SORBS2: variants seen among roughly 807,000 people sequenced by gnomAD.
The protein encoded by SORBS2 is sorbin and SH3 domain-containing protein 2.
Under a neutral mutation model 97.7 loss-of-function variants are expected in SORBS2, and 46 were observed. The observed-to-expected ratio is 0.47, with a 90% CI of 0.37 to 0.60. SORBS2 has a LOEUF of 0.60. Ranked by LOEUF, SORBS2 falls within the 20% of genes least tolerant of loss-of-function variation. The pLI is 0.00. For synonymous variants in SORBS2, 476 were observed against 473.4 expected, an observed-to-expected ratio of 1.01 and a Z score of -0.07; for missense variants, 1,316 against 1,282.3, an observed-to-expected ratio of 1.03 and a Z score of -0.40.
chr4:185,757,660 T>TC (rs397800295), intron 2 of SORBS2, among the ~76,000 whole-genome samples: 5 of 46,626 alleles, frequency 1.1e-4, no homozygotes, highest in African/African-American at 3.1e-4. Flanking sequence ...CCAGGTGACA[T>TC]AAGAAGACAT....
At chr4:185,680,011 T>C (rs1225290860) in intron 2 of SORBS2, among the ~76,000 whole-genome samples, 1 of 152,202 alleles carries the variant, frequency 6.6e-6, no homozygotes, top group African/African-American at 2.4e-5. Flanking sequence ...AGAAGACTAA[T>C]GAATTCCCAT....
chr4:185,778,247 G>A (rs1443668036), intron 1 of SORBS2, among the ~76,000 whole-genome samples: 1 of 152,202 alleles, frequency 6.6e-6, no homozygotes, highest in Non-Finnish European at 1.5e-5. Flanking sequence ...CAATGACCCA[G>A]AAGCTTCGTA....
chr4:185,799,212 A>C (rs1460455788), intron 1 of SORBS2, among the ~76,000 whole-genome samples: 1 of 152,170 alleles, frequency 6.6e-6, no homozygotes, highest in African/African-American at 2.4e-5. Flanking sequence ...ACAGGTTGTG[A>C]GCCTTCCACC....
intron 2 of SORBS2, among the ~76,000 whole-genome samples, chr4:185,693,083 G>A (rs563239724): frequency 2.2e-4 from 34 of 152,130 alleles, no homozygotes; most frequent in African/African-American, 8.2e-4. Flanking sequence ...TGCTTAGCGT[G>A]GCCAGGCTAG....
intron 1 of SORBS2, among the ~76,000 whole-genome samples, chr4:185,860,158 G>A (rs1246608836): frequency 1.3e-5 from 2 of 152,154 alleles, no homozygotes; most frequent in Non-Finnish European, 2.9e-5. Context: ...AGATGGAGAA[G>A]AGCAAGAGAA....
chr4:185,889,589 C>T (rs1161831385), intron 1 of SORBS2, among the ~76,000 whole-genome samples: 1 of 152,070 alleles, frequency 6.6e-6, no homozygotes, highest in Non-Finnish European at 1.5e-5. Flanking sequence ...CGGTATCATT[C>T]CCCGATCTCC....
At chr4:185,704,780 C>T (rs1466852580) in intron 2 of SORBS2, among the ~76,000 whole-genome samples, 1 of 152,178 alleles carries the variant, frequency 6.6e-6, no homozygotes, top group African/African-American at 2.4e-5. Flanking sequence ...CTCAGTCCCA[C>T]AGTTCATTTG....
upstream of SORBS2, among the ~76,000 whole-genome samples, chr4:185,657,974 A>G (rs975146803): frequency 6.6e-6 from 1 of 152,202 alleles, no homozygotes; most frequent in African/African-American, 2.4e-5. Context: ...AGGAGCTGAG[A>G]CAAGTTCAGT....
Position 185,892,863 on chromosome 4 carries a change from T to C in SORBS2, c.-338+63333A>G, listed in dbSNP as rs141640011. On this transcript the variant is annotated intron_variant, in intron 1 of 20. Coordinates refer to the SORBS2 transcript ENST00000284776. ...GATGGCAGAGACGGTAGCCCAAGAATGTGAATACACTTAAGGCCTTATGGC... is the reference window on the plus strand; with the variant it reads ...GATGGCAGAGACGGTAGCCCAAGAACGTGAATACACTTAAGGCCTTATGGC... Among the ~76,000 whole-genome samples the C allele has an allele frequency of 3.4e-3, 522 of 152,300 alleles. 2 individuals are homozygous for C. The highest frequency in any genetic ancestry group is 6.0e-3 in the Non-Finnish European group (407 of 68,034).
intron 1 of SORBS2, among the ~76,000 whole-genome samples, chr4:185,823,233 A>T (rs1048220732): frequency 2.0e-5 from 3 of 152,192 alleles, no homozygotes; most frequent in Non-Finnish European, 4.4e-5. Context: ...GGAGAAAGGC[A>T]TGTCTCTCAG....
chr4:185,876,016 G>A (rs1278777570), intron 1 of SORBS2, among the ~76,000 whole-genome samples: 1 of 152,106 alleles, frequency 6.6e-6, no homozygotes, highest in Non-Finnish European at 1.5e-5. Flanking sequence ...ACTCTTCTCT[G>A]TGTTTTGTAC....
chr4:185,610,718 C>T (rs2096523768), intron 12 of SORBS2, among the ~76,000 whole-genome samples: 1 of 152,070 alleles, frequency 6.6e-6, no homozygotes, highest in South Asian at 2.1e-4. Flanking sequence ...GAAGTGACTT[C>T]ACACTTTAGT....
chr4:185,705,623 T>A (rs1215799342), intron 2 of SORBS2, among the ~76,000 whole-genome samples: 2 of 152,124 alleles, frequency 1.3e-5, no homozygotes, highest in Non-Finnish European at 2.9e-5. Context: ...CAAACATGAA[T>A]GGGGGTTTTC....
At position 185,766,338 on chromosome 4, in the gene SORBS2, G is replaced by A. The variant is rs375633526; in HGVS notation, c.-198+8889C>T. Among the ~76,000 whole-genome samples, 45 of 152,106 alleles carry A rather than the reference G, an allele frequency of 3.0e-4. 1 individual carries two copies. The highest frequency in any genetic ancestry group is 9.7e-4 in the African/African-American group (40 of 41,416). On this transcript the variant is annotated intron_variant, in intron 2 of 20. Transcript: ENST00000284776. ...CAAGGATGGGCTTTCTCATCTCACC[G>A]TACATTTAGATGGCCATATTGGGTT... is the stretch of plus-strand genomic sequence containing the variant.
At position 185,929,490 on chromosome 4, in the gene SORBS2, T is replaced by C. The variant is rs190479181; in HGVS notation, c.-338+26706A>G. ...ATCCATCAAAGGTCAATTGTTTTCA[T>C]TATGATAGCAAAGAGGTTTTATTTG... is the stretch of plus-strand genomic sequence containing the variant. On this transcript the variant is annotated intron_variant, in intron 1 of 20. Coordinates refer to the SORBS2 transcript ENST00000284776. 2.0e-5 allele frequency among the ~76,000 whole-genome samples: 3 copies of C among 152,214 alleles called. 1 individual carries two copies. Among genetic ancestry groups the C allele is most frequent in the Admixed American group, 2.0e-4 (3 of 15,284 alleles).
intron 1 of SORBS2, among the ~76,000 whole-genome samples, chr4:185,808,239 G>A (rs1585168809): frequency 6.6e-6 from 1 of 152,028 alleles, no homozygotes; most frequent in African/African-American, 2.4e-5. Flanking sequence ...ATAATGTCAA[G>A]AAATATGAAT....
intron 1 of SORBS2, among the ~76,000 whole-genome samples, chr4:185,789,585 A>G (rs1380616196): frequency 1.3e-5 from 2 of 151,190 alleles, no homozygotes; most frequent in African/African-American, 4.8e-5. Flanking sequence ...ATGTTTAAAT[A>G]TAAATTATTA....
upstream of SORBS2, chr4:185,657,713 C>T (rs1333767057): frequency 4.4e-6 from 4 of 908,326 alleles, no homozygotes; most frequent in Non-Finnish European, 6.6e-6. Flanking sequence ...CCATCACTGT[C>T]CCTTTTAACT....
In SORBS2 at chr4:185,798,253, C is replaced by T. The variant is rs2099115081; in HGVS notation, c.-337-22887G>A. Among the ~76,000 whole-genome samples, 3 of 152,148 alleles carry T rather than the reference C, an allele frequency of 2.0e-5. No individual in the cohort carries two copies. In the South Asian group the frequency reaches 6.2e-4, roughly 32 times the overall value. On this transcript the variant is annotated intron_variant, in intron 1 of 20. Coordinates refer to the SORBS2 transcript ENST00000284776. ...TTTAGGATAATGTATCATCTTAATCCTTATTTATTTTTTCCAGAATAAACT... is the reference window on the plus strand; with the variant it reads ...TTTAGGATAATGTATCATCTTAATCTTTATTTATTTTTTCCAGAATAAACT...
Sources: gnomAD v4.1 joint callset for allele counts (sites outside exome capture counted in the v4.1 genomes callset) on GRCh38, gnomAD v4.1.1 for gene constraint, MANE v1.5 for transcripts, NCBI Gene and HGNC (gene_info 2026-07-23, HGNC 2026-07-21) for gene names.